CPAP: variants seen among roughly 807,000 people sequenced by gnomAD.
CPAP encodes centrosomal P4.1-associated protein.
the CPAP span, among the ~76,000 whole-genome samples, chr13:24,933,318 A>G: frequency 6.6e-6 from 1 of 152,232 alleles, no homozygotes; most frequent in South Asian, 2.1e-4. Flanking sequence ...GAGGAGGACC[A>G]GCCCTGTTCT....
At chr13:24,887,807 T>A in the CPAP span, among the ~76,000 whole-genome samples, 1 of 152,198 alleles carries the variant, frequency 6.6e-6, no homozygotes, top group Non-Finnish European at 1.5e-5. Context: ...TGGGGACTGC[T>A]AAGGTATACT....
At chr13:24,892,821 TTTC>T in the CPAP span, 1 of 1,613,736 alleles carries the variant, frequency 6.2e-7, no homozygotes, top group Admixed American at 1.7e-5. Flanking sequence ...TTTGGTTTCC[TTTC>T]TTTTCAAATC....
chr13:24,918,201 GTGAAGGAAAAAAGACT>G, the CPAP span, among the ~76,000 whole-genome samples: 2 of 152,174 alleles, frequency 1.3e-5, no homozygotes, highest in African/African-American at 4.8e-5. Context: ...GACCAGAACA[GTGAAGGAAAAAAGACT>G]GGAAGGAGGC....
At chr13:24,891,528 G>T in the CPAP span, among the ~76,000 whole-genome samples, 13 of 152,146 alleles carry the variant, frequency 8.5e-5, no homozygotes, top group African/African-American at 3.1e-4. Flanking sequence ...ACTAAGCACA[G>T]TTGAGGCCAT....
At chr13:24,889,907 TC>T in the CPAP span, among the ~76,000 whole-genome samples, 2 of 151,986 alleles carry the variant, frequency 1.3e-5, no homozygotes, top group Non-Finnish European at 1.5e-5. Flanking sequence ...GCCATGTCCG[TC>T]CCTGCCAGGA....
At chr13:24,913,904 A>AT in the CPAP span, among the ~76,000 whole-genome samples, 1 of 152,240 alleles carries the variant, frequency 6.6e-6, no homozygotes, top group African/African-American at 2.4e-5. Flanking sequence ...TAAACAGGAC[A>AT]TAACAGAGAA....
At chr13:24,918,371 T>TA in the CPAP span, among the ~76,000 whole-genome samples, 28 of 152,200 alleles carry the variant, frequency 1.8e-4, no homozygotes, top group Middle Eastern at 3.4e-3. Flanking sequence ...TTCTCAATAA[T>TA]AAAAAAACAA....
the CPAP span, chr13:24,933,205 T>C: frequency 2.6e-6 from 3 of 1,169,390 alleles, no homozygotes; most frequent in African/African-American, 4.5e-5. Flanking sequence ...GGGTCATGGT[T>C]AGAAGAGGAA....
chr13:24,889,534 C>T, the CPAP span: 1 of 675,596 alleles, frequency 1.5e-6, no homozygotes, highest in Non-Finnish European at 2.6e-6. Flanking sequence ...ATTTATACAA[C>T]AGGCCAAAGC....
the CPAP span, among the ~76,000 whole-genome samples, chr13:24,894,536 C>T: frequency 6.6e-6 from 1 of 152,142 alleles, no homozygotes; most frequent in Non-Finnish European, 1.5e-5. Flanking sequence ...GGGCGTGTGG[C>T]GAAAACAGCT....
the CPAP span, among the ~76,000 whole-genome samples, chr13:24,926,618 T>C: frequency 6.6e-6 from 1 of 152,018 alleles, no homozygotes; most frequent in African/African-American, 2.4e-5. Flanking sequence ...CCACTGTTAC[T>C]AGGTAAAGGT....
At chr13:24,913,874 C>T in the CPAP span, among the ~76,000 whole-genome samples, 1 of 152,214 alleles carries the variant, frequency 6.6e-6, no homozygotes, top group African/African-American at 2.4e-5. Flanking sequence ...TGTAACTTTG[C>T]ACTGTGTGAT....
chr13:24,932,139 C>G, the CPAP span, among the ~76,000 whole-genome samples: 804 of 152,260 alleles, frequency 5.3e-3, 22 homozygotes, highest in East Asian at 0.081. Context: ...CCCGGACCCG[C>G]GATCCCCAAA....
the CPAP span, among the ~76,000 whole-genome samples, chr13:24,907,546 CAAT>C: frequency 1.3e-5 from 2 of 151,582 alleles, no homozygotes; most frequent in African/African-American, 2.4e-5. Context: ...AATGTGAGAA[CAAT>C]AATCAGAAAA....
chr13:24,926,087 C>G, the CPAP span, among the ~76,000 whole-genome samples: 2 of 152,176 alleles, frequency 1.3e-5, no homozygotes, highest in Non-Finnish European at 2.9e-5. Flanking sequence ...CATCCATCGT[C>G]CAGCCAGGGT....
At chr13:24,928,568 C>T in the CPAP span, among the ~76,000 whole-genome samples, 1 of 152,154 alleles carries the variant, frequency 6.6e-6, no homozygotes, top group Non-Finnish European at 1.5e-5. Context: ...GTAGCTAGGA[C>T]TACAGGCACA....
chr13:24,927,367 C>A, the CPAP span, among the ~76,000 whole-genome samples: 3 of 152,090 alleles, frequency 2.0e-5, no homozygotes, highest in African/African-American at 7.2e-5. Flanking sequence ...TAAAAGCCAG[C>A]CATATAGAAC....
chr13:24,888,858 G>T, the CPAP span, among the ~76,000 whole-genome samples: 1 of 152,112 alleles, frequency 6.6e-6, no homozygotes, highest in African/African-American at 2.4e-5. Flanking sequence ...ATTGCAGAAG[G>T]ACACACAGAA....
At chr13:24,895,250 G>A in the CPAP span, among the ~76,000 whole-genome samples, 1 of 152,250 alleles carries the variant, frequency 6.6e-6, no homozygotes, top group African/African-American at 2.4e-5. Flanking sequence ...TCCTTGCAGC[G>A]CAGTAGATGC....
Sources: allele counts gnomAD v4.1 joint callset (sites outside exome capture counted in the v4.1 genomes callset), GRCh38; gene constraint gnomAD v4.1.1; transcripts MANE v1.5; gene names NCBI Gene and HGNC (gene_info 2026-07-23, HGNC 2026-07-21).